Variants in CACNA1E observed in about 807,000 individuals in gnomAD.
CACNA1E encodes the protein voltage-dependent R-type calcium channel subunit alpha-1E.
A neutral mutation model predicts 259.2 loss-of-function variants in CACNA1E; 40 were observed. The observed-to-expected ratio is 0.15, with a 90% CI of 0.12 to 0.20. The LOEUF (loss-of-function observed/expected upper bound fraction) is 0.20, where lower values mean the gene tolerates loss of function less well. Ranked by LOEUF, CACNA1E falls within the 10% of genes least tolerant of loss-of-function variation. The probability of loss-of-function intolerance (pLI) is 1.00; values close to 1 mark genes in which losing one functional copy is unlikely to be tolerated. For synonymous variants in CACNA1E, 1,104 were observed against 1,138.5 expected, an observed-to-expected ratio of 0.97 and a Z score of 0.61; for missense variants, 1,874 against 3,040.1, an observed-to-expected ratio of 0.62 and a Z score of 9.02.
chr1:181,438,394 G>A (rs1224580685), intron 2 of CACNA1E, among the ~76,000 whole-genome samples: 1 of 152,164 alleles, frequency 6.6e-6, no homozygotes, highest in African/African-American at 2.4e-5. Context: ...CAATCCCTAG[G>A]TCCATATGAT....
intron 7 of CACNA1E, among the ~76,000 whole-genome samples, chr1:181,692,519 C>T (rs1191368773): frequency 6.6e-6 from 1 of 152,190 alleles, no homozygotes; most frequent in Non-Finnish European, 1.5e-5. Context: ...GCCATCTGAT[C>T]TTCAACAAAG....
At chr1:181,512,734 A>G (rs1386482146) in intron 3 of CACNA1E, among the ~76,000 whole-genome samples, 2 of 152,214 alleles carry the variant, frequency 1.3e-5, no homozygotes, top group Non-Finnish European at 2.9e-5. Flanking sequence ...GCCCCTCAAT[A>G]TGGGAAATGG....
chr1:181,696,910 A>G (rs1455585991), intron 7 of CACNA1E, among the ~76,000 whole-genome samples: 1 of 152,224 alleles, frequency 6.6e-6, no homozygotes, highest in South Asian at 2.1e-4. Flanking sequence ...CATTTCTAGT[A>G]ATTACTGTTT....
At chr1:181,725,924 C>A (rs1002456920) in intron 17 of CACNA1E, 141 bp from the exon 18 acceptor site, 6 of 583,320 alleles carry the variant, frequency 1.0e-5, no homozygotes, top group Non-Finnish European at 1.5e-5. Context: ...GCCAACCTAA[C>A]ATCTCGCTGT....
intron 2 of CACNA1E, among the ~76,000 whole-genome samples, chr1:181,443,977 G>T (rs1330113348): frequency 6.6e-6 from 1 of 152,184 alleles, no homozygotes; most frequent in Non-Finnish European, 1.5e-5. Context: ...AAGACATTTT[G>T]CATTAAACAT....
At chr1:181,613,124 C>A (rs896373408) in intron 6 of CACNA1E, among the ~76,000 whole-genome samples, 3 of 152,290 alleles carry the variant, frequency 2.0e-5, no homozygotes, top group African/African-American at 7.2e-5. Flanking sequence ...CACACAGTTT[C>A]TTAATAACTG....
chr1:181,398,986 T>C (rs1656890419), intron 1 of CACNA1E, among the ~76,000 whole-genome samples: 2 of 152,168 alleles, frequency 1.3e-5, no homozygotes, highest in African/African-American at 4.8e-5. Flanking sequence ...AGAAATTCTG[T>C]CTACACTATG....
At chr1:181,413,917 G>C (rs1199854728) in intron 2 of CACNA1E, among the ~76,000 whole-genome samples, 1 of 152,244 alleles carries the variant, frequency 6.6e-6, no homozygotes, top group Non-Finnish European at 1.5e-5. Context: ...GAAAGCCAGG[G>C]AGAATCCTTC....
intron 1 of CACNA1E, among the ~76,000 whole-genome samples, chr1:181,491,287 G>A (rs1466420928): frequency 6.6e-6 from 1 of 151,698 alleles, no homozygotes; most frequent in Non-Finnish European, 1.5e-5. Context: ...CGGTCTGCCC[G>A]TTTCATCTAC....
chr1:181,376,649 G>A (rs1557953582), intron 1 of CACNA1E, among the ~76,000 whole-genome samples: 2 of 152,124 alleles, frequency 1.3e-5, no homozygotes, highest in Non-Finnish European at 2.9e-5. Flanking sequence ...CAGGGTTGGC[G>A]GGGATGGGAA....
rs1661867642 is a variant in CACNA1E at position 181,796,986 on chromosome 1, G to C, written c.6399+128G>C. 3.1e-5 allele frequency: 20 copies of C among 638,224 alleles called. 1 individual carries two copies. The South Asian group carries it at 4.2e-4, about 13-fold the overall frequency. 39.5% of individuals were successfully genotyped at this position (638,224 alleles called of 1,614,324 possible). A position where few individuals can be genotyped will look rare whatever the true frequency, so the allele number is the denominator to read the frequency against. ...CACAAAGACTGGAATTTCACAGGAA[G>C]CTATACCTATAGTGCATAGAGGTTA... On this transcript the variant is annotated intron_variant, in intron 47 of 47. Coordinates refer to ENST00000367573, the MANE Select transcript of CACNA1E (RefSeq NM_001205293.3).
At chr1:181,702,850 CT>C in intron 7 of CACNA1E, among the ~76,000 whole-genome samples, 1 of 152,230 alleles carries the variant, frequency 6.6e-6, no homozygotes, top group East Asian at 1.9e-4. Context: ...CTATACTTCT[CT>C]GCTTTATTTT....
At chr1:181,513,457 T>A (rs956283819) in intron 3 of CACNA1E, among the ~76,000 whole-genome samples, 1 of 152,246 alleles carries the variant, frequency 6.6e-6, no homozygotes, top group African/African-American at 2.4e-5. Context: ...GACACTTGGA[T>A]TCTTTCTGTT....
At chr1:181,544,267 G>A (rs937619624) in intron 3 of CACNA1E, among the ~76,000 whole-genome samples, 16 of 152,164 alleles carry the variant, frequency 1.1e-4, no homozygotes, top group African/African-American at 2.4e-4. Context: ...CATAAAGGGC[G>A]TACGATAGTT....
chr1:181,525,899 T>C (rs921361885), intron 3 of CACNA1E, among the ~76,000 whole-genome samples: 4 of 152,326 alleles, frequency 2.6e-5, no homozygotes, highest in African/African-American at 9.6e-5. Context: ...GAGCTATCCT[T>C]TTCCATGGAA....
At chr1:181,719,432 C>T (rs1488093388) in intron 12 of CACNA1E, among the ~76,000 whole-genome samples, 1 of 152,182 alleles carries the variant, frequency 6.6e-6, no homozygotes, top group Non-Finnish European at 1.5e-5. Flanking sequence ...TTGTACTAAT[C>T]AGTTTCCTTG....
chr1:181,368,371 G>A (rs142033548), intron 1 of CACNA1E, among the ~76,000 whole-genome samples: 48 of 151,322 alleles, frequency 3.2e-4, no homozygotes, highest in African/African-American at 1.1e-3. Context: ...AACTATTTTC[G>A]CAGAGAACCT....
chr1:181,613,403 T>C (rs1654929331), intron 6 of CACNA1E, among the ~76,000 whole-genome samples: 1 of 152,208 alleles, frequency 6.6e-6, no homozygotes, highest in Non-Finnish European at 1.5e-5. Context: ...TTTTATATAA[T>C]ATATGTGTTA....
chr1:181,443,830 T>G (rs946381887), intron 2 of CACNA1E, among the ~76,000 whole-genome samples: 1 of 152,250 alleles, frequency 6.6e-6, no homozygotes, highest in African/African-American at 2.4e-5. Context: ...GCATAGAATG[T>G]ATATGTGACA....
Sources: allele counts gnomAD v4.1 joint callset (sites outside exome capture counted in the v4.1 genomes callset), GRCh38; gene constraint gnomAD v4.1.1; transcripts MANE v1.5; gene names NCBI Gene and HGNC (gene_info 2026-07-23, HGNC 2026-07-21).